The following NLGN4X variants were observed in gnomAD, a reference collection of about 807,000 sequenced individuals.
NLGN4X encodes the protein neuroligin-4, X-linked.
NLGN4X carries 3 observed loss-of-function variants against 40.3 expected under a neutral mutation model. The ratio of observed to expected loss-of-function variants is 0.07; its 90% confidence interval spans 0.03 to 0.19. The LOEUF (loss-of-function observed/expected upper bound fraction) is 0.19, where lower values mean the gene tolerates loss of function less well. NLGN4X is among the 10% of genes least tolerant of loss of function. The probability of loss-of-function intolerance (pLI) is 1.00; values close to 1 mark genes in which losing one functional copy is unlikely to be tolerated. For missense variants in NLGN4X, 382 were observed against 708.3 expected (o/e 0.54, Z 5.23); for synonymous variants, 270 against 306.8 (o/e 0.88, Z 1.25).
intron 2 of NLGN4X, among the ~76,000 whole-genome samples, chrX:6,070,251 C>T (rs745349640): frequency 1.8e-5 from 2 of 110,312 alleles, no homozygotes; most frequent in African/African-American, 3.3e-5. Context: ...AATGTTTCCA[C>T]GTTAGCAGGT....
chrX:6,149,974 AAAG>A (rs998125867), intron 2 of NLGN4X, among the ~76,000 whole-genome samples: 21 of 110,956 alleles, frequency 1.9e-4, no homozygotes, highest in African/African-American at 4.6e-4. Context: ...AAAAAAAAAA[AAAG>A]AAGAAGAAGA....
At chrX:6,061,391 T>C (rs1034768282) in intron 2 of NLGN4X, among the ~76,000 whole-genome samples, 3 of 101,678 alleles carry the variant, frequency 3.0e-5, no homozygotes, top group African/African-American at 7.1e-5. Flanking sequence ...TGGTTAGATT[T>C]TCCATCTTAA....
intron 2 of NLGN4X, among the ~76,000 whole-genome samples, chrX:6,043,165 A>ACACG (rs1373632144): frequency 9.3e-6 from 1 of 106,974 alleles, no homozygotes; most frequent in African/African-American, 3.4e-5. Context: ...ACACAAACAC[A>ACACG]CGTATATATA....
intron 2 of NLGN4X, among the ~76,000 whole-genome samples, chrX:6,132,578 G>C (rs1193328122): frequency 1.8e-5 from 2 of 111,226 alleles, no homozygotes; most frequent in East Asian, 5.7e-4. Flanking sequence ...TTACAGTGGG[G>C]CCAAAATTGC....
chrX:6,099,518 C>G (rs1387732089), intron 2 of NLGN4X, among the ~76,000 whole-genome samples: 1 of 112,121 alleles, frequency 8.9e-6, no homozygotes, highest in African/African-American at 3.2e-5. Flanking sequence ...TTAAGTGTTT[C>G]CTGGTATCTA....
intron 2 of NLGN4X, among the ~76,000 whole-genome samples, chrX:6,128,336 C>T (rs2039604924): frequency 9.0e-6 from 1 of 111,386 alleles, no homozygotes; most frequent in Non-Finnish European, 1.9e-5. Flanking sequence ...AACTGAGATG[C>T]AATAGAGTAA....
At chrX:5,913,468 T>C (rs993888446) in intron 3 of NLGN4X, among the ~76,000 whole-genome samples, 4 of 111,869 alleles carry the variant, frequency 3.6e-5, no homozygotes, top group African/African-American at 1.3e-4. Context: ...TTACAACAAA[T>C]GGCTCCTTTA....
rs1026143884 is a variant in NLGN4X, at chrX:5,890,046, A to T, written c.*2771T>A. On this transcript the variant is annotated 3_prime_UTR_variant, in exon 6 of 6. Coordinates refer to ENST00000381095, the MANE Select transcript of NLGN4X (RefSeq NM_181332.3). ...CATAATTATTTGCACAAAGCATTAG[A>T]AAATACTGTGATATTTTATTATTAA... 4.7e-6 allele frequency: 1 copy of T among 211,698 alleles called. No homozygotes were observed. The highest frequency in any genetic ancestry group is 6.4e-5 in the Admixed American group (1 of 15,719). The allele number at this position is 211,698 out of a possible 1,213,427, so 17.4% of individuals were successfully genotyped here. A position where few individuals can be genotyped will look rare whatever the true frequency, so the allele number is the denominator to read the frequency against.
chrX:5,936,719 T>C (rs186499185), intron 3 of NLGN4X, among the ~76,000 whole-genome samples: 1 of 112,187 alleles, frequency 8.9e-6, no homozygotes, highest in Non-Finnish European at 1.9e-5. Flanking sequence ...TTCCCTCGTG[T>C]ATACAAAACT....
chrX:6,176,095 G>A (rs1398044949), intron 1 of NLGN4X, among the ~76,000 whole-genome samples: 1 of 111,306 alleles, frequency 9.0e-6, no homozygotes, highest in Non-Finnish European at 1.9e-5. Context: ...AGAGAACCCA[G>A]GAACCCACAC....
intron 2 of NLGN4X, among the ~76,000 whole-genome samples, chrX:6,055,958 T>C (rs1024421264): frequency 8.9e-6 from 1 of 112,049 alleles, no homozygotes; most frequent in Non-Finnish European, 1.9e-5. Context: ...TTCCTGAACT[T>C]CATTTAAAAA....
chrX:6,182,190 C>T (rs2147805640), intron 1 of NLGN4X, among the ~76,000 whole-genome samples: 1 of 111,742 alleles, frequency 8.9e-6, no homozygotes, highest in Admixed American at 9.5e-5. Context: ...GAACTTAGGG[C>T]CAAATCACCT....
rs185374177 is a variant in NLGN4X, at chrX:6,143,173, G to A, written c.472+7822C>T. ...TGCTGGCTACTAAGCACTTTATATG[G>A]ATTAAAACCTTAAACCTCTCAGCCG... is the stretch of plus-strand genomic sequence containing the variant. On this transcript the variant is annotated intron_variant, in intron 2 of 5. Coordinates refer to ENST00000381095, the MANE Select transcript of NLGN4X (RefSeq NM_181332.3). Among the ~76,000 whole-genome samples the A allele has an allele frequency of 2.7e-4, 30 of 112,156 alleles. No individual in the cohort carries two copies. In the East Asian group the frequency reaches 8.4e-3, roughly 31 times the overall value.
At chrX:6,103,992 CAT>C (rs1325922667) in intron 2 of NLGN4X, among the ~76,000 whole-genome samples, 4 of 111,494 alleles carry the variant, frequency 3.6e-5, no homozygotes, top group African/African-American at 1.3e-4. Flanking sequence ...GTGCGTGAGG[CAT>C]GTGTGTGTGA....
intron 3 of NLGN4X, among the ~76,000 whole-genome samples, chrX:5,916,110 A>G (rs1262627118): frequency 2.7e-5 from 3 of 111,606 alleles, no homozygotes; most frequent in Non-Finnish European, 3.8e-5. Flanking sequence ...GAGAATGGGT[A>G]AAACCCAGGA....
chrX:5,997,587 T>TGTGTGTATATATATACAC (rs1569177167), intron 3 of NLGN4X, among the ~76,000 whole-genome samples: 3 of 41,430 alleles, frequency 7.2e-5, no homozygotes, highest in East Asian at 7.6e-4. Context: ...TGTGTGTGTG[T>TGTGTGTATATATATACAC]ATATATATAT....
intron 1 of NLGN4X, among the ~76,000 whole-genome samples, chrX:6,175,668 A>AAAAAC (rs1340820836): frequency 1.9e-5 from 2 of 108,102 alleles, no homozygotes; most frequent in Non-Finnish European, 3.8e-5. Context: ...AAAAAAAAAA[A>AAAAAC]AAAAACAAGA....
intron 3 of NLGN4X, among the ~76,000 whole-genome samples, chrX:5,961,345 C>T (rs926030387): frequency 8.9e-6 from 1 of 112,316 alleles, no homozygotes; most frequent in Admixed American, 9.4e-5. Flanking sequence ...TCTATTGACA[C>T]TCCATTAACA....
chrX:6,098,584 T>C (rs1229391972), intron 2 of NLGN4X, among the ~76,000 whole-genome samples: 1 of 111,437 alleles, frequency 9.0e-6, no homozygotes, highest in Non-Finnish European at 1.9e-5. Context: ...GTCTACAGGA[T>C]TGTATAATAT....
Sources: allele counts gnomAD v4.1 joint callset (sites outside exome capture counted in the v4.1 genomes callset), GRCh38; gene constraint gnomAD v4.1.1; transcripts MANE v1.5; gene names NCBI Gene and HGNC (gene_info 2026-07-23, HGNC 2026-07-21).